The following VAX1 variants were observed in gnomAD, a reference collection of about 807,000 sequenced individuals.
The protein encoded by VAX1 is ventral anterior homeobox 1.
A neutral mutation model predicts 17.6 loss-of-function variants in VAX1; 6 were observed. The observed-to-expected ratio is 0.34, with a 90% confidence interval of 0.19 to 0.67. The LOEUF is 0.67. VAX1 is among the 30% of genes least tolerant of loss of function. The probability of loss-of-function intolerance (pLI) is 0.69; values close to 1 mark genes in which losing one functional copy is unlikely to be tolerated. For synonymous variants in VAX1, 256 were observed against 227.4 expected (o/e 1.13, Z -1.13); for missense variants, 408 against 463.7 (o/e 0.88, Z 1.10).
chr10:117,132,927 G>A (rs916782745), downstream of VAX1, among the ~76,000 whole-genome samples: 5 of 152,174 alleles, frequency 3.3e-5, no homozygotes, highest in Admixed American at 6.5e-5. The surrounding 1 kb of genome is among the most constrained non-coding windows in gnomAD (Gnocchi z 4.9). Flanking sequence ...GTTTGGGAGA[G>A]GAGGCAATGA....
rs1854152113 is a variant in VAX1 at position 117,134,885 on chromosome 10, G to C, written c.430-302C>G. ...ACGGCAGGAACTCGAAGGAAGACCG[G>C]AAAGGGTTTCACTGGCTTCCGCGCT... On this transcript the variant is annotated intron_variant, in intron 2 of 2. Coordinates refer to ENST00000369206, the MANE Select transcript of VAX1 (RefSeq NM_001112704.2). The surrounding 1 kb of genome is among the most constrained non-coding windows in gnomAD (Gnocchi z 6.2). Among the ~76,000 whole-genome samples the C allele has an allele frequency of 6.6e-6, 1 of 152,202 alleles. No homozygotes were observed. The highest frequency in any genetic ancestry group is 1.5e-5 in the Non-Finnish European group (1 of 68,038).
In VAX1 at chr10:117,134,375, C is replaced by G. The variant is rs1157104990; in HGVS notation, c.638G>C (p.Ser213Thr). Residue 213 changes from serine to threonine, a missense_variant, in exon 3 of 3, where the codon AGC (serine) becomes ACC (threonine). Physicochemically the swap from Ser to Thr is moderately conservative, Grantham distance 58 (BLOSUM62 1). Coordinates refer to ENST00000369206, the MANE Select transcript of VAX1 (RefSeq NM_001112704.2). The surrounding 1 kb of genome is among the most constrained non-coding windows in gnomAD (Gnocchi z 6.2). ...GGCGCCCGCGCCCAGGGCCGGCAAG[C>G]TGGGCCCGCGCAGCGCTGAGCCGAG... ...GALGSALRGPSLPALGAGAAA... is the reference protein window; with the variant it reads ...GALGSALRGPTLPALGAGAAA... The G allele has an allele frequency of 1.4e-5, 18 of 1,245,090 alleles. No homozygotes were observed. Among genetic ancestry groups the G allele is most frequent in the Admixed American group, 4.4e-5 (1 of 22,934 alleles). 77.1% of individuals were successfully genotyped at this position (1,245,090 alleles called of 1,614,324 possible).
downstream of VAX1, chr10:117,130,118 G>C (rs907244122): frequency 4.6e-5 from 7 of 152,178 alleles, no homozygotes; most frequent in African/African-American, 1.2e-4. Context: ...CTGGCCCTAG[G>C]GGGAGCTTAC....
chr10:117,132,609 C>T, downstream of VAX1: 1 of 1,048,444 alleles, frequency 9.5e-7, no homozygotes, highest in Non-Finnish European at 1.4e-6. This position sits in a 1 kb window ranked among gnomAD's most constrained non-coding sequence, Gnocchi z 4.9. Context: ...ACTGCGGCAC[C>T]TCGCAGTCTG....
In VAX1 at chr10:117,134,534, C is replaced by T. The variant is rs777113215; in HGVS notation, c.479G>A (p.Gly160Asp). 2.6e-6 allele frequency: 4 copies of T among 1,529,650 alleles called. No homozygotes were observed. The South Asian group carries it at 3.6e-5, about 14-fold the overall frequency. 94.8% of individuals were successfully genotyped at this position (1,529,650 alleles called of 1,614,324 possible). The change falls in exon 3 of 3, where the codon GGC becomes GAC. Residue 160 changes from glycine to aspartate, a missense_variant. Transcript: ENST00000369206. The surrounding 1 kb of genome is among the most constrained non-coding windows in gnomAD (Gnocchi z 6.2). Reference protein sequence around the residue: ...NRRTKQKKDQGKDSELRSVVS... With the variant: ...NRRTKQKKDQDKDSELRSVVS... Reference sequence around the variant, plus strand: ...CACCGAGCGTAGCTCCGAGTCCTTGCCCTGGTCCTTCTTCTGCTTGGTGCG... The same window carrying T: ...CACCGAGCGTAGCTCCGAGTCCTTGTCCTGGTCCTTCTTCTGCTTGGTGCG...
At position 117,137,116 on chromosome 10, in the gene VAX1, AAGG is replaced by A. The variant is rs1854192464; in HGVS notation, c.242-460_242-458del. Among the ~76,000 whole-genome samples, 2 of 142,690 alleles carry A rather than the reference AAGG, an allele frequency of 1.4e-5. No homozygotes were observed. The highest frequency in any genetic ancestry group is 3.0e-5 in the Non-Finnish European group (2 of 65,864). 93.6% of individuals were successfully genotyped at this position (142,690 alleles called of 152,430 possible). ...CTTCCCTCCGGAGTCCGCGCGGCGG[AAGG>A]AGGAGGGACTGAGTCGGGGCCGGCC... On this transcript the variant is annotated intron_variant, in intron 1 of 2. Coordinates refer to ENST00000369206, the MANE Select transcript of VAX1 (RefSeq NM_001112704.2). This position sits in a 1 kb window ranked among gnomAD's most constrained non-coding sequence, Gnocchi z 7.4.
chr10:117,132,048 C>T, downstream of VAX1: 2 of 666,690 alleles, frequency 3.0e-6, no homozygotes, highest in Non-Finnish European at 5.0e-6. The surrounding 1 kb of genome is among the most constrained non-coding windows in gnomAD (Gnocchi z 4.9). Context: ...GGAGGAGGGT[C>T]TGAGGGGCCG....
rs1352750213 is a variant in VAX1 at position 117,134,165 on chromosome 10, G to T, written c.848C>A (p.Ser283Tyr). 1 of 1,523,872 alleles carries T rather than the reference G, an allele frequency of 6.6e-7. No homozygotes were observed. The highest frequency in any genetic ancestry group is 2.7e-5 in the East Asian group (1 of 37,352). 94.4% of individuals were successfully genotyped at this position (1,523,872 alleles called of 1,614,324 possible). A position where few individuals can be genotyped will look rare whatever the true frequency, so the allele number is the denominator to read the frequency against. Residue 283 changes from serine (S) to tyrosine (Y), a missense_variant, in exon 3 of 3, where the codon TCC becomes TAC. By Grantham distance (144) the Ser-to-Tyr change is moderately radical. Transcript: ENST00000369206. This position sits in a 1 kb window ranked among gnomAD's most constrained non-coding sequence, Gnocchi z 6.2. ...FSLPVPSLLGSVASRLSSAPL... is the reference protein window; with the variant it reads ...FSLPVPSLLGYVASRLSSAPL... ...GGCGGAGGACAGGCGGCTGGCGACG[G>T]AGCCGAGCAGCGAGGGCACCGGCAG... is the stretch of plus-strand genomic sequence containing the variant.
Position 117,133,775 on chromosome 10 carries a change from G to C in VAX1, c.*233C>G. Reference sequence around the variant, plus strand: ...TTCCCAATTCTTTGGATCGCTCCTGGATTCAGAAGGAAGTTGGGGGTTGGG... The same window carrying C: ...TTCCCAATTCTTTGGATCGCTCCTGCATTCAGAAGGAAGTTGGGGGTTGGG... On this transcript the variant is annotated 3_prime_UTR_variant, in exon 3 of 3. Transcript: ENST00000369206. The C allele has an allele frequency of 1.5e-6, 2 of 1,298,038 alleles. No homozygotes were observed. Among genetic ancestry groups the C allele is most frequent in the Non-Finnish European group, 1.9e-6 (2 of 1,030,100 alleles). The allele number at this position is 1,298,038 out of a possible 1,614,324, so 80.4% of individuals were successfully genotyped here.
Position 117,138,025 on chromosome 10 carries a change from C to G in VAX1, c.32G>C (p.Arg11Pro). The G allele has an allele frequency of 1.2e-6, 2 of 1,600,186 alleles. No individual in the cohort carries two copies. Among genetic ancestry groups the G allele is most frequent in the East Asian group, 2.3e-5 (1 of 44,080 alleles). The change falls in exon 1 of 3, where the codon CGA becomes CCA. Residue 11 changes from arginine (R) to proline (P), a missense_variant. Coordinates refer to ENST00000369206, the MANE Select transcript of VAX1 (RefSeq NM_001112704.2). Reference protein sequence around the residue: MFGKPDKMDVRCHSDAEAARV... With the variant: MFGKPDKMDVPCHSDAEAARV... The stretch of plus-strand genomic sequence containing the variant: ...GGCAGCCTCGGCGTCCGAGTGGCAT[C>G]GAACGTCCATTTTGTCTGGTTTCCC...
In VAX1 at chr10:117,134,392, T is replaced by A. The variant is rs944388651; in HGVS notation, c.621A>T (p.Ser207=). 112 of 1,449,876 alleles carry A rather than the reference T, an allele frequency of 7.7e-5. 1 individual carries two copies. In the East Asian group the frequency reaches 2.1e-3, roughly 27 times the overall value. The allele number at this position is 1,449,876 out of a possible 1,614,324, so 89.8% of individuals were successfully genotyped here. A position where few individuals can be genotyped will look rare whatever the true frequency, so the allele number is the denominator to read the frequency against. ...LPPCATGALG[S]ALRGPSLPAL... ...CCGGCAAGCTGGGCCCGCGCAGCGC[T>A]GAGCCGAGAGCGCCCGTGGCGCAAG... Residue 207 remains serine (S), a synonymous_variant, in exon 3 of 3, where the codon TCA becomes TCT. Transcript: ENST00000369206. The surrounding 1 kb of genome is among the most constrained non-coding windows in gnomAD (Gnocchi z 6.2).
At chr10:117,129,777 T>C (rs1854061204), downstream of VAX1, 1 of 151,928 alleles carries the variant, frequency 6.6e-6, no homozygotes, top group African/African-American at 2.4e-5. Context: ...TTTTTAAGGA[T>C]GTGTAAGACC....
Position 117,137,834 on chromosome 10 carries a change from G to T in VAX1, c.223C>A (p.Arg75Ser). The change falls in exon 1 of 3, where the codon CGC becomes AGC. Residue 75 changes from arginine (R) to serine (S), a missense_variant. This residue lies in a region of VAX1 where 133 missense variants were observed against 112.0 expected (regional missense o/e 1.19). Coordinates refer to ENST00000369206, the MANE Select transcript of VAX1 (RefSeq NM_001112704.2). The surrounding 1 kb of genome is among the most constrained non-coding windows in gnomAD (Gnocchi z 7.4). The part of the protein sequence containing the change: ...SNSAADPDYC[R>S]RILVRDAKGS... Reference sequence around the variant, plus strand: ...TCCCTACCTCGGACCAGGATCCGGCGGCAGTAATCCGGGTCCGCTGCGGAA... The same window carrying T: ...TCCCTACCTCGGACCAGGATCCGGCTGCAGTAATCCGGGTCCGCTGCGGAA... 6.2e-7 allele frequency: 1 copy of T among 1,612,756 alleles called. No homozygotes were observed. The highest frequency in any genetic ancestry group is 8.5e-7 in the Non-Finnish European group (1 of 1,179,968).
At chr10:117,131,097 A>AC (rs1392854419), downstream of VAX1, 1 of 152,678 alleles carries the variant, frequency 6.5e-6, no homozygotes, top group Non-Finnish European at 1.5e-5. Context: ...AGCGAGAGCC[A>AC]CCCACTGCCT....
chr10:117,134,382 C>G lies in VAX1; in HGVS notation c.631G>C (p.Gly211Arg), dbSNP rs1237879004. 1.6e-6 allele frequency: 2 copies of G among 1,281,960 alleles called. No individual in the cohort carries two copies. Among genetic ancestry groups the G allele is most frequent in the Middle Eastern group, 2.9e-4 (1 of 3,400 alleles). 79.4% of individuals were successfully genotyped at this position (1,281,960 alleles called of 1,614,324 possible). ...GCGCCCAGGGCCGGCAAGCTGGGCC[C>G]GCGCAGCGCTGAGCCGAGAGCGCCC... ...ATGALGSALR[G>R]PSLPALGAGA... The change falls in exon 3 of 3, where the codon GGG becomes CGG. Residue 211 changes from glycine (G) to arginine (R), a missense_variant. By Grantham distance (125) the Gly-to-Arg change is moderately radical. Transcript: ENST00000369206. This position sits in a 1 kb window ranked among gnomAD's most constrained non-coding sequence, Gnocchi z 6.2.
chr10:117,136,636 T>G lies in VAX1; in HGVS notation c.265A>C (p.Ile89Leu), dbSNP rs1285594976. 2 of 1,607,764 alleles carry G rather than the reference T, an allele frequency of 1.2e-6. No individual in the cohort carries two copies. ...AAGTCCAGGCCCTTGGGCAGGATGA[T>G]CTCTCGGATGGACCCCTTGGCATCT... The part of the protein sequence containing the change: ...VRDAKGSIRE[I>L]ILPKGLDLDR... Residue 89 changes from isoleucine to leucine, a missense_variant, in exon 2 of 3, where the codon ATC becomes CTC. Around this residue, in one of 4 missense-constraint regions of VAX1, gnomAD observed 75 missense variants for 116.1 expected, o/e 0.65. Transcript: ENST00000369206. The surrounding 1 kb of genome is among the most constrained non-coding windows in gnomAD (Gnocchi z 5.0).
downstream of VAX1, chr10:117,132,015 A>G (rs1854091014): frequency 1.8e-6 from 1 of 570,224 alleles, no homozygotes; most frequent in Non-Finnish European, 3.0e-6. This position sits in a 1 kb window ranked among gnomAD's most constrained non-coding sequence, Gnocchi z 4.9. Context: ...AAATAAACTA[A>G]GAATTACGCA....
chr10:117,133,872 G>A lies in VAX1; in HGVS notation c.*136C>T, dbSNP rs896590577. On this transcript the variant is annotated 3_prime_UTR_variant, in exon 3 of 3. Coordinates refer to ENST00000369206, the MANE Select transcript of VAX1 (RefSeq NM_001112704.2). ...GAGATGAAATTGGTAGCAGAGTCTA[G>A]TGGGAAAGGAGAGCTGTCAGAGGCC... The A allele has an allele frequency of 2.2e-6, 3 of 1,379,176 alleles. No homozygotes were observed. Among genetic ancestry groups the A allele is most frequent in the African/African-American group, 3.1e-5 (2 of 65,226 alleles). The allele number at this position is 1,379,176 out of a possible 1,614,324, so 85.4% of individuals were successfully genotyped here.
chr10:117,133,906 GC>G lies in VAX1; in HGVS notation c.*101del. 7.0e-7 allele frequency: 1 copy of G among 1,420,014 alleles called. No homozygotes were observed. Among genetic ancestry groups the G allele is most frequent in the African/African-American group, 1.5e-5 (1 of 65,662 alleles). The allele number at this position is 1,420,014 out of a possible 1,614,324, so 88.0% of individuals were successfully genotyped here. On this transcript the variant is annotated 3_prime_UTR_variant, in exon 3 of 3. Transcript: ENST00000369206. Reference sequence around the variant, plus strand: ...GAGAGCTGTCAGAGGCCTGGTGGGAGCCAGGAGCCCAGCGCAGGAGCTCTGG... The same window carrying G: ...GAGAGCTGTCAGAGGCCTGGTGGGAGCAGGAGCCCAGCGCAGGAGCTCTGG...
Sources: gnomAD v4.1 joint callset for allele counts (sites outside exome capture counted in the v4.1 genomes callset) on GRCh38, gnomAD v4.1.1 for gene constraint, gnomAD v4.1.1 regional missense constraint, Gnocchi (gnomAD v3.1) non-coding constraint, MANE v1.5 for transcripts, NCBI Gene and HGNC (gene_info 2026-07-23, HGNC 2026-07-21) for gene names.